Variants in SCRN1 observed in about 807,000 individuals in gnomAD.
SCRN1 encodes secernin 1.
SCRN1 carries 19 observed loss-of-function variants against 43.3 expected under a neutral mutation model. The observed-to-expected ratio is 0.44, with a 90% confidence interval of 0.31 to 0.64. SCRN1 has a LOEUF of 0.64. SCRN1 is among the 30% of genes least tolerant of loss of function. The pLI is 0.09. For missense variants in SCRN1, 447 were observed against 524.1 expected (o/e 0.85, Z 1.44); for synonymous variants, 183 against 188.9 (o/e 0.97, Z 0.26).
rs1562808213 is a variant in SCRN1 at position 29,944,161 on chromosome 7, C to T, written c.360G>A (p.Gly120=). The change falls in exon 4 of 8, where the codon GGG becomes GGA. Residue 120 remains glycine (G), a synonymous_variant. Coordinates refer to ENST00000242059, the MANE Select transcript of SCRN1 (RefSeq NM_014766.5). ...CATCTAAGGCTTCTTTAGCTGTTTC[C>T]CCTCTTTCTAAACCAAGCCTGCAGG... The part of the protein sequence containing the change: ...MDLVRLGLER[G]ETAKEALDVI... The T allele has an allele frequency of 6.2e-7, 1 of 1,614,188 alleles. No homozygotes were observed.
chr7:29,956,839 A>AT (rs990634236), intron 2 of SCRN1, among the ~76,000 whole-genome samples: 10 of 151,786 alleles, frequency 6.6e-5, no homozygotes, highest in African/African-American at 1.9e-4. Context: ...AAAGTTATTT[A>AT]TTTAAAAAAA....
rs1786751336 is a variant in SCRN1 at position 29,921,374 on chromosome 7, T to C, written c.*2583A>G. ...TCAAAAGCAAAATCTGTTAGGAACA[T>C]TTAAAAATGAACATTCCTCACTATA... On this transcript the variant is annotated 3_prime_UTR_variant, in exon 8 of 8. Transcript: ENST00000242059. The C allele has an allele frequency of 6.6e-6, 1 of 152,230 alleles. No individual in the cohort carries two copies. Among genetic ancestry groups the C allele is most frequent in the South Asian group, 2.1e-4 (1 of 4,834 alleles). 9.4% of individuals were successfully genotyped at this position (152,230 alleles called of 1,614,324 possible).
intron 1 of SCRN1, among the ~76,000 whole-genome samples, chr7:29,970,608 C>T (rs1285171085): frequency 6.6e-6 from 1 of 152,206 alleles, no homozygotes. Flanking sequence ...GGACCTTTCC[C>T]TTTTGCACAC....
intron 1 of SCRN1, 133 bp from the exon 2 acceptor site, chr7:29,969,201 C>CCCACCTTCATTTG: frequency 9.2e-7 from 1 of 1,083,234 alleles, no homozygotes; most frequent in African/African-American, 1.6e-5. Flanking sequence ...ATTAAGAGAT[C>CCCACCTTCATTTG]CCAGCTGGCA....
At chr7:29,990,065 C>G, upstream of SCRN1, 5 of 1,510,910 alleles carry the variant, frequency 3.3e-6, no homozygotes, top group Non-Finnish European at 4.4e-6. Context: ...AAGGGAAAAC[C>G]CGGGCTTCAA....
intron 7 of SCRN1, 57 bp downstream of exon 7, chr7:29,926,395 C>T (rs762323751): frequency 5.6e-5 from 88 of 1,575,376 alleles, no homozygotes; most frequent in Admixed American, 1.7e-4. Flanking sequence ...CCTCCTTCCT[C>T]GCTGACCTCG....
At chr7:29,964,521 T>C (rs1011459188) in intron 2 of SCRN1, among the ~76,000 whole-genome samples, 2 of 152,086 alleles carry the variant, frequency 1.3e-5, no homozygotes, top group Non-Finnish European at 2.9e-5. Context: ...GGTGGGTGAA[T>C]AGGTGGAGCA....
At chr7:29,940,989 G>A (rs1396899723) in intron 4 of SCRN1, 113 bp from the exon 5 acceptor site, 2 of 857,996 alleles carry the variant, frequency 2.3e-6, no homozygotes, top group African/African-American at 3.6e-5. Context: ...ACTACAGGGA[G>A]GAATCCATTT....
chr7:29,959,769 G>A (rs1788246241), intron 2 of SCRN1, among the ~76,000 whole-genome samples: 1 of 152,010 alleles, frequency 6.6e-6, no homozygotes, highest in African/African-American at 2.4e-5. Flanking sequence ...GAGGAACAAT[G>A]CAAAGGTCTG....
intron 3 of SCRN1, chr7:29,947,297 CCGTTCCTGAAAAGT>C (rs1398441996): frequency 6.4e-7 from 1 of 1,550,690 alleles, no homozygotes; most frequent in Non-Finnish European, 8.7e-7. Context: ...CTCACCCTGC[CCGTTCCTGAAAAGT>C]TAACACATCT....
At chr7:29,989,076 G>C (rs62446662) in intron 1 of SCRN1, 22,880 of 151,994 alleles carry the variant, frequency 0.15, 1,800 homozygotes, top group African/African-American at 0.19. Flanking sequence ...GAGAACCCAG[G>C]GGCGGCCCGC....
At position 29,989,739 on chromosome 7, in the gene SCRN1, A is replaced by G; in HGVS notation, c.-99T>C. The G allele has an allele frequency of 1.0e-6, 1 of 985,812 alleles. No homozygotes were observed. Among genetic ancestry groups the G allele is most frequent in the Non-Finnish European group, 1.2e-6 (1 of 830,546 alleles). The allele number at this position is 985,812 out of a possible 1,614,324, so 61.1% of individuals were successfully genotyped here. A position where few individuals can be genotyped will look rare whatever the true frequency, so the allele number is the denominator to read the frequency against. ...CTGCCGGGTCCGGATTACTGCGGCG[A>G]CCTCGGGGGCTGCAGCTGCAGTGGC... is the stretch of plus-strand genomic sequence containing the variant. On this transcript the variant is annotated 5_prime_UTR_variant, in exon 1 of 8. Transcript: ENST00000242059.
chr7:29,941,547 C>T (rs189751129), intron 4 of SCRN1, among the ~76,000 whole-genome samples: 294 of 152,198 alleles, frequency 1.9e-3, no homozygotes, highest in African/African-American at 6.7e-3. Context: ...TGTGTGTGCA[C>T]ACATGCGTGT....
intron 1 of SCRN1, among the ~76,000 whole-genome samples, chr7:29,973,855 G>A (rs934206744): frequency 5.3e-5 from 8 of 152,164 alleles, no homozygotes; most frequent in African/African-American, 1.2e-4. Flanking sequence ...TCATACAGGC[G>A]AAAAACTGAA....
At chr7:29,961,043 T>C (rs760518340) in intron 2 of SCRN1, among the ~76,000 whole-genome samples, 2 of 150,750 alleles carry the variant, frequency 1.3e-5, no homozygotes, top group Non-Finnish European at 2.9e-5. Context: ...AACTCTGTGC[T>C]GGAGGATCTT....
In SCRN1 at chr7:29,976,846, G is replaced by A. The variant is rs1357445046; in HGVS notation, c.-1-7778C>T. ...GCATTCATCCTCTGACTGGTGGCAGGAGGCCCAAGTTCAGGCTTGAGGGAC... is the reference window on the plus strand; with the variant it reads ...GCATTCATCCTCTGACTGGTGGCAGAAGGCCCAAGTTCAGGCTTGAGGGAC... On this transcript the variant is annotated intron_variant, in intron 1 of 7. Transcript: ENST00000242059. 5.3e-5 allele frequency among the ~76,000 whole-genome samples: 8 copies of A among 152,214 alleles called. No homozygotes were observed. The East Asian group carries it at 1.5e-3, about 29-fold the overall frequency.
intron 2 of SCRN1, among the ~76,000 whole-genome samples, chr7:29,964,951 A>AATATATAT (rs140642496): frequency 6.8e-6 from 1 of 147,800 alleles, no homozygotes; most frequent in African/African-American, 2.5e-5. Flanking sequence ...CAAAAAACAA[A>AATATATAT]ATATATATAT....
At chr7:29,936,524 G>C in intron 6 of SCRN1, 32 bp downstream of exon 6, 1 of 1,514,498 alleles carries the variant, frequency 6.6e-7, no homozygotes. Flanking sequence ...AAGCACTTAT[G>C]TTCTGCCTAC....
intron 3 of SCRN1, among the ~76,000 whole-genome samples, chr7:29,951,674 G>A (rs1234216336): frequency 6.6e-6 from 1 of 152,170 alleles, no homozygotes; most frequent in Non-Finnish European, 1.5e-5. Context: ...TCAGAGAACA[G>A]TGAATCAAAA....
Sources: allele counts gnomAD v4.1 joint callset (sites outside exome capture counted in the v4.1 genomes callset), GRCh38; gene constraint gnomAD v4.1.1; transcripts MANE v1.5; gene names NCBI Gene and HGNC (gene_info 2026-07-23, HGNC 2026-07-21).